PPFIBP2: variants seen among roughly 807,000 people sequenced by gnomAD.
PPFIBP2 encodes PPFIB scaffold protein 2.
In PPFIBP2, 118 loss-of-function variants were observed where a neutral mutation model predicts 118.3. That is an observed-to-expected ratio of 1.00 (90% CI 0.86 to 1.16). The LOEUF (loss-of-function observed/expected upper bound fraction) is 1.16, where lower values mean the gene tolerates loss of function less well. Ranked by LOEUF, PPFIBP2 falls within the 50% of genes most tolerant of loss-of-function variation. The probability of loss-of-function intolerance (pLI) is 0.00; values close to 1 mark genes in which losing one functional copy is unlikely to be tolerated. For synonymous variants in PPFIBP2, 414 were observed against 397.4 expected (o/e 1.04, Z -0.50); for missense variants, 1,195 against 1,073.1 (o/e 1.11, Z -1.59).
At chr11:7,644,563 C>T (rs947962829) in intron 17 of PPFIBP2, among the ~76,000 whole-genome samples, 1 of 152,054 alleles carries the variant, frequency 6.6e-6, no homozygotes, top group African/African-American at 2.4e-5. Context: ...GCTCCCCTAC[C>T]CTGGGCCCCA....
chr11:7,638,183 C>A (rs1851692209), intron 14 of PPFIBP2, among the ~76,000 whole-genome samples: 1 of 152,178 alleles, frequency 6.6e-6, no homozygotes, highest in Non-Finnish European at 1.5e-5. Flanking sequence ...TCCAGAGGGA[C>A]TGAATCAGGG....
intron 17 of PPFIBP2, among the ~76,000 whole-genome samples, chr11:7,643,438 G>C (rs189409191): frequency 6.6e-6 from 1 of 152,134 alleles, no homozygotes; most frequent in Non-Finnish European, 1.5e-5. Flanking sequence ...GTCACTTTAG[G>C]GTATGGGGTG....
chr11:7,541,261 GA>G (rs1468890721), intron 1 of PPFIBP2, among the ~76,000 whole-genome samples: 2 of 152,234 alleles, frequency 1.3e-5, no homozygotes, highest in Non-Finnish European at 2.9e-5. Context: ...AGCAAAGTTT[GA>G]GGACCACGAG....
At chr11:7,583,311 G>A (rs547818521) in intron 3 of PPFIBP2, among the ~76,000 whole-genome samples, 1 of 152,254 alleles carries the variant, frequency 6.6e-6, no homozygotes, top group African/African-American at 2.4e-5. Flanking sequence ...GCCTAATTCT[G>A]TGTTCTCAAA....
At chr11:7,613,458 G>A (rs55775985) in intron 6 of PPFIBP2, among the ~76,000 whole-genome samples, 3,297 of 152,282 alleles carry the variant, frequency 0.022, 128 homozygotes, top group East Asian at 0.13. Context: ...GCCCAGATGA[G>A]ATGTGGGTGA....
At chr11:7,635,894 G>A (rs375858929) in intron 14 of PPFIBP2, among the ~76,000 whole-genome samples, 3 of 152,082 alleles carry the variant, frequency 2.0e-5, no homozygotes, top group Non-Finnish European at 4.4e-5. Context: ...GGATTGCTAC[G>A]ATCTCAGCAC....
rs533733086 is a variant in PPFIBP2, at chr11:7,529,377, C to T, written c.-37+15256C>T. 7.2e-5 allele frequency among the ~76,000 whole-genome samples: 11 copies of T among 152,340 alleles called. No individual in the cohort carries two copies. In the South Asian group the frequency reaches 2.3e-3, roughly 32 times the overall value. On this transcript the variant is annotated intron_variant, in intron 1 of 23. Coordinates refer to ENST00000299492, the MANE Select transcript of PPFIBP2 (RefSeq NM_003621.5). ...AATGCATCTCATTACATCACTGTTA[C>T]ACATCGTATATGGAAACCTTCCCTC...
intron 2 of PPFIBP2, among the ~76,000 whole-genome samples, chr11:7,556,105 A>G (rs1853584240): frequency 6.6e-6 from 1 of 152,226 alleles, no homozygotes; most frequent in African/African-American, 2.4e-5. Flanking sequence ...ATTAACATAT[A>G]AAAGCATTTG....
chr11:7,618,742 C>T (rs541668981), intron 6 of PPFIBP2, among the ~76,000 whole-genome samples: 1 of 152,132 alleles, frequency 6.6e-6, no homozygotes, highest in African/African-American at 2.4e-5. Context: ...CCACCACGCC[C>T]GGCTAACTTT....
intron 7 of PPFIBP2, among the ~76,000 whole-genome samples, chr11:7,622,877 C>G (rs1426560945): frequency 6.6e-6 from 1 of 152,186 alleles, no homozygotes; most frequent in Non-Finnish European, 1.5e-5. Context: ...CCAAATAACA[C>G]TTTTCTTTTT....
intron 1 of PPFIBP2, among the ~76,000 whole-genome samples, chr11:7,534,515 T>A (rs1353674050): frequency 1.3e-5 from 2 of 152,182 alleles, no homozygotes; most frequent in Admixed American, 1.3e-4. Flanking sequence ...TGTGTATGCA[T>A]GTGTGTTCTT....
intron 5 of PPFIBP2, among the ~76,000 whole-genome samples, chr11:7,606,982 C>G (rs1278551616): frequency 1.6e-5 from 2 of 125,470 alleles, no homozygotes; most frequent in Non-Finnish European, 3.1e-5. Flanking sequence ...ACGATCTCGG[C>G]TAACTGCAAG....
chr11:7,565,866 C>T, intron 3 of PPFIBP2, 99 bp downstream of exon 3: 4 of 1,295,006 alleles, frequency 3.1e-6, no homozygotes, highest in Non-Finnish European at 4.3e-6. Flanking sequence ...CATCTGTATA[C>T]CTTCCAGCCT....
At chr11:7,666,268 C>T in the PPFIBP2 span, 13 of 600,400 alleles carry the variant, frequency 2.2e-5, no homozygotes, top group Non-Finnish European at 3.6e-5. Context: ...CCCTTAAAAG[C>T]AGGCCATCCC....
In PPFIBP2 at chr11:7,547,570, T is replaced by G. The variant is rs117670752; in HGVS notation, c.-36-1870T>G. Among the ~76,000 whole-genome samples, 314 of 152,308 alleles carry G rather than the reference T, an allele frequency of 2.1e-3. 1 individual carries two copies. The highest frequency in any genetic ancestry group is 3.4e-3 in the Non-Finnish European group (233 of 68,012). ...CCCCTTTTCCCTGCTACCTCTTCTT[T>G]TATCCTGGCCAAAGCTGGCCTCCAT... On this transcript the variant is annotated intron_variant, in intron 1 of 23. Coordinates refer to ENST00000299492, the MANE Select transcript of PPFIBP2 (RefSeq NM_003621.5).
Position 7,634,554 on chromosome 11 carries a change from T to A in PPFIBP2, c.1194+2T>A. The A allele has an allele frequency of 6.2e-7, 1 of 1,612,112 alleles. No individual in the cohort carries two copies. The highest frequency in any genetic ancestry group is 8.5e-7 in the Non-Finnish European group (1 of 1,178,190). On this transcript the variant is annotated splice_donor_variant, in intron 13 of 23. Coordinates refer to ENST00000299492, the MANE Select transcript of PPFIBP2 (RefSeq NM_003621.5). LOFTEE classifies it high-confidence loss of function. ...TTGAGAAGTGAATCTGTGGATAAGG[T>A]CGGCTCATCAACCTATCCTTAAAGA...
At chr11:7,614,873 TA>T (rs1302899037) in intron 6 of PPFIBP2, among the ~76,000 whole-genome samples, 2 of 152,130 alleles carry the variant, frequency 1.3e-5, no homozygotes, top group African/African-American at 2.4e-5. Context: ...AAAGTGTGAT[TA>T]AAAAACAAAG....
rs752913614 is a variant in PPFIBP2 at position 7,595,787 on chromosome 11, A to C, written c.373-1773A>C. 6.0e-4 allele frequency among the ~76,000 whole-genome samples: 91 copies of C among 152,196 alleles called. 1 individual carries two copies. The highest frequency in any genetic ancestry group is 3.7e-4 in the Non-Finnish European group (25 of 68,032). ...TGGTTCTACTCATAGAACAAGGCAA[A>C]TCACACATAACAAAATACTTTGTTT... On this transcript the variant is annotated intron_variant, in intron 4 of 23. Coordinates refer to ENST00000299492, the MANE Select transcript of PPFIBP2 (RefSeq NM_003621.5).
In PPFIBP2 at chr11:7,624,814, C is replaced by A. The variant is rs573215511; in HGVS notation, c.712-963C>A. 2.0e-5 allele frequency among the ~76,000 whole-genome samples: 3 copies of A among 152,316 alleles called. No individual in the cohort carries two copies. The South Asian group carries it at 6.2e-4, about 32-fold the overall frequency. On this transcript the variant is annotated intron_variant, in intron 7 of 23. Transcript: ENST00000299492. ...ATTATCTTAAACCTAATTGCAGTCC[C>A]ATGAAGTAGGTGTAGTTTTTCCCAT... is the stretch of plus-strand genomic sequence containing the variant.
Sources: gnomAD v4.1 joint callset for allele counts (sites outside exome capture counted in the v4.1 genomes callset) on GRCh38, gnomAD v4.1.1 for gene constraint, MANE v1.5 for transcripts, NCBI Gene and HGNC (gene_info 2026-07-23, HGNC 2026-07-21) for gene names.